The following KCTD1 variants were observed in gnomAD, a reference collection of about 807,000 sequenced individuals.
KCTD1 encodes the protein BTB/POZ domain-containing protein KCTD1.
Under a neutral mutation model 66.0 loss-of-function variants are expected in KCTD1, and 24 were observed. The ratio of observed to expected loss-of-function variants is 0.36; its 90% CI spans 0.26 to 0.51. KCTD1 has a LOEUF of 0.51. Ranked by LOEUF, KCTD1 falls within the 20% of genes least tolerant of loss-of-function variation. The probability of loss-of-function intolerance (pLI) is 0.95; values close to 1 mark genes in which losing one functional copy is unlikely to be tolerated. For missense variants in KCTD1, 943 were observed against 1,205.2 expected, an observed-to-expected ratio of 0.78 and a Z score of 3.22; for synonymous variants, 511 against 517.2, an observed-to-expected ratio of 0.99 and a Z score of 0.16.
rs1204111216 is a variant in KCTD1, at chr18:26,546,811, G to A, written c.1726C>T (p.Leu576=). 7 of 1,544,068 alleles carry A rather than the reference G, an allele frequency of 4.5e-6. No individual in the cohort carries two copies. The highest frequency in any genetic ancestry group is 4.1e-5 in the African/African-American group (3 of 72,596). Reference sequence around the variant, plus strand: ...CCATTGGCTTCTGGAAGAAGAGGCAGGGGGTCGTGTTTCACGGAAACCACC... The same window carrying A: ...CCATTGGCTTCTGGAAGAAGAGGCAAGGGGTCGTGTTTCACGGAAACCACC... ...VVVVSVKHDP[L]PLLPEANGHR... The change falls in exon 1 of 5, where the codon CTG becomes TTG. Residue 576 remains leucine (L), a synonymous_variant. Transcript: ENST00000580059.
intron 1 of KCTD1, among the ~76,000 whole-genome samples, chr18:26,522,691 G>GA (rs1416385915): frequency 2.0e-5 from 3 of 152,066 alleles, no homozygotes; most frequent in Non-Finnish European, 4.4e-5. Context: ...TCTGAACAGC[G>GA]AATCTGCTTG....
chr18:26,502,211 A>G (rs977750832), intron 1 of KCTD1, among the ~76,000 whole-genome samples: 24 of 152,234 alleles, frequency 1.6e-4, no homozygotes, highest in Admixed American at 1.3e-3. Context: ...CACCACGCCC[A>G]GCTAATTTTT....
chr18:26,619,689 A>G (rs1288077773), intron 1 of KCTD1, among the ~76,000 whole-genome samples: 1 of 152,218 alleles, frequency 6.6e-6, no homozygotes, highest in Non-Finnish European at 1.5e-5. Flanking sequence ...ATCTGCCGGC[A>G]GTGCGGGCTT....
chr18:26,584,882 C>T (rs1422703796), intron 1 of KCTD1, among the ~76,000 whole-genome samples: 7 of 152,096 alleles, frequency 4.6e-5, no homozygotes, highest in South Asian at 2.1e-4. Flanking sequence ...GCATGGATAA[C>T]GGCATGTATA....
intron 1 of KCTD1, among the ~76,000 whole-genome samples, chr18:26,570,125 G>A (rs1382964793): frequency 6.6e-6 from 1 of 150,390 alleles, no homozygotes; most frequent in Non-Finnish European, 1.5e-5. Flanking sequence ...AGGGGAGGTT[G>A]CAGTGAGATG....
At chr18:26,610,669 GAA>G (rs537698103) in intron 1 of KCTD1, among the ~76,000 whole-genome samples, 12 of 151,754 alleles carry the variant, frequency 7.9e-5, no homozygotes, top group African/African-American at 2.9e-4. Flanking sequence ...GAGCAAGAAA[GAA>G]AGAGAGAAAG....
At chr18:26,600,497 G>C (rs1031666873) in intron 1 of KCTD1, among the ~76,000 whole-genome samples, 1 of 151,970 alleles carries the variant, frequency 6.6e-6, no homozygotes, top group African/African-American at 2.4e-5. Context: ...GGCTGGGGGG[G>C]GTGCAGTGGT....
chr18:26,461,516 G>C (rs1489121592), intron 3 of KCTD1, among the ~76,000 whole-genome samples: 7 of 152,194 alleles, frequency 4.6e-5, no homozygotes, highest in Admixed American at 4.6e-4. Flanking sequence ...CTGAAAACTA[G>C]GCTGAGGTGT....
intron 2 of KCTD1, among the ~76,000 whole-genome samples, chr18:26,484,901 G>A (rs942473756): frequency 6.6e-6 from 1 of 152,194 alleles, no homozygotes; most frequent in Non-Finnish European, 1.5e-5. Flanking sequence ...ACGGAGGCAG[G>A]AAAGAACATG....
chr18:26,471,609 T>A (rs893333787), intron 3 of KCTD1, among the ~76,000 whole-genome samples: 2 of 151,966 alleles, frequency 1.3e-5, no homozygotes, highest in African/African-American at 4.8e-5. Context: ...GTCAAATGAC[T>A]ACAGGAGGGA....
At chr18:26,608,545 T>G (rs1439544270) in intron 1 of KCTD1, among the ~76,000 whole-genome samples, 1 of 152,202 alleles carries the variant, frequency 6.6e-6, no homozygotes, top group Non-Finnish European at 1.5e-5. Context: ...AGAAGGAGCC[T>G]GGGGGAGCAC....
intron 2 of KCTD1, among the ~76,000 whole-genome samples, chr18:26,495,542 TAG>T (rs1408134095): frequency 6.6e-6 from 1 of 152,140 alleles, no homozygotes; most frequent in Non-Finnish European, 1.5e-5. Context: ...AGGCTGAAAG[TAG>T]AGTTTCTTGC....
At position 26,476,354 on chromosome 18, in the gene KCTD1, T is replaced by G. The variant is rs1392468197; in HGVS notation, c.2133+161A>C. Among the ~76,000 whole-genome samples the G allele has an allele frequency of 6.6e-6, 1 of 152,238 alleles. No individual in the cohort carries two copies. Among genetic ancestry groups the G allele is most frequent in the Admixed American group, 6.5e-5 (1 of 15,288 alleles). ...CTCTTTAAGTCATGTAGAAGTTTAA[T>G]GGCCATAACCACTATTTCATGAATA... On this transcript the variant is annotated intron_variant, in intron 3 of 4. Transcript: ENST00000580059. The surrounding 1 kb of genome is among the most constrained non-coding windows in gnomAD (Gnocchi z 4.9).
intron 1 of KCTD1, among the ~76,000 whole-genome samples, chr18:26,613,739 G>T (rs1167185654): frequency 6.6e-6 from 1 of 152,244 alleles, no homozygotes; most frequent in East Asian, 1.9e-4. Flanking sequence ...TGAACAGAGA[G>T]AAGAGGCTCT....
At chr18:26,522,539 G>A (rs1303784924) in intron 1 of KCTD1, among the ~76,000 whole-genome samples, 2 of 152,080 alleles carry the variant, frequency 1.3e-5, no homozygotes, top group Non-Finnish European at 2.9e-5. Context: ...TTGTTATGGT[G>A]GTCCTAGGAA....
intron 1 of KCTD1, among the ~76,000 whole-genome samples, chr18:26,656,535 C>G (rs903036833): frequency 6.6e-6 from 1 of 151,898 alleles, no homozygotes; most frequent in South Asian, 2.1e-4. Context: ...CTGGACCAGC[C>G]CGGCCGGCGA....
chr18:26,638,536 G>A (rs1308061707), intron 1 of KCTD1, among the ~76,000 whole-genome samples: 1 of 152,210 alleles, frequency 6.6e-6, no homozygotes, highest in African/African-American at 2.4e-5. Context: ...TTTGAATCAC[G>A]TCTCTACTGC....
rs143389920 is a variant in KCTD1, at chr18:26,489,265, C to T, written c.1988+11807G>A. Among the ~76,000 whole-genome samples the T allele has an allele frequency of 1.3e-4, 20 of 152,292 alleles. No homozygotes were observed. The East Asian group carries it at 1.5e-3, about 12-fold the overall frequency. On this transcript the variant is annotated intron_variant, in intron 2 of 4. Transcript: ENST00000580059. ...TAAAAAGAAATGGTATTTTTATACG[C>T]GACTTATATAATAATAATAGACTGA...
At chr18:26,654,459 A>C (rs922273841) in intron 1 of KCTD1, among the ~76,000 whole-genome samples, 4 of 152,204 alleles carry the variant, frequency 2.6e-5, no homozygotes, top group Non-Finnish European at 4.4e-5. Flanking sequence ...TTAAGTAAAT[A>C]TGAAACAAGC....
Sources: gnomAD v4.1 joint callset for allele counts (sites outside exome capture counted in the v4.1 genomes callset) on GRCh38, gnomAD v4.1.1 for gene constraint, Gnocchi (gnomAD v3.1) non-coding constraint, MANE v1.5 for transcripts, NCBI Gene and HGNC (gene_info 2026-07-23, HGNC 2026-07-21) for gene names.